Variants in SEC14L1 observed in about 807,000 individuals in gnomAD.
SEC14L1 encodes the protein SEC14-like protein 1.
Under a neutral mutation model 85.3 loss-of-function variants are expected in SEC14L1, and 48 were observed. That is an observed-to-expected ratio of 0.56 (90% CI 0.45 to 0.72). The LOEUF (loss-of-function observed/expected upper bound fraction) is 0.72. SEC14L1 is among the 30% of genes least tolerant of loss of function. The pLI, the probability that SEC14L1 is intolerant of heterozygous loss-of-function variation, is 0.00. For missense variants in SEC14L1, 682 were observed against 921.4 expected, an observed-to-expected ratio of 0.74 and a Z score of 3.36; for synonymous variants, 391 against 355.5, an observed-to-expected ratio of 1.10 and a Z score of -1.12.
chr17:77,214,882 C>T lies in SEC14L1; in HGVS notation c.*859C>T. ...GTGCCCTCTGGTGGCTCATTGTCCT[C>T]AGAGCCCAGACAGTTCCAGCCACTA... On this transcript the variant is annotated 3_prime_UTR_variant, in exon 17 of 17. Transcript: ENST00000436233. 1 of 985,450 alleles carries T rather than the reference C, an allele frequency of 1.0e-6. No homozygotes were observed. The highest frequency in any genetic ancestry group is 1.2e-6 in the Non-Finnish European group (1 of 829,978). The allele number at this position is 985,450 out of a possible 1,614,324, so 61.0% of individuals were successfully genotyped here.
In SEC14L1 at chr17:77,213,484, G is replaced by A. The variant is rs1976875465; in HGVS notation, c.2034G>A (p.Glu678=). Residue 678 remains glutamate, a synonymous_variant, in exon 16 of 17, where the codon GAG becomes GAA. Transcript: ENST00000436233. This position sits in a 1 kb window ranked among gnomAD's most constrained non-coding sequence, Gnocchi z 7.1. The part of the protein sequence containing the change: ...VMYYTEVIGS[E]DFRGSMTSLE... ...ACTACACCGAGGTGATCGGCTCGGA[G>A]GATTTCAGGTGCGGCCACCCTCGCC... The A allele has an allele frequency of 6.2e-7, 1 of 1,607,980 alleles. No homozygotes were observed. Among genetic ancestry groups the A allele is most frequent in the Admixed American group, 1.7e-5 (1 of 60,002 alleles).
rs529277235 is a variant in SEC14L1, at chr17:77,096,086, G to A, written c.-136+2739G>A. On this transcript the variant is annotated intron_variant, in intron 3 of 19. Transcript: ENST00000392476. Reference sequence around the variant, plus strand: ...TTTTTTTTTTTTTTTAAATAGAGATGAGGTCTCACTGTCTTGCCCAGACTG... The same window carrying A: ...TTTTTTTTTTTTTTTAAATAGAGATAAGGTCTCACTGTCTTGCCCAGACTG... Among the ~76,000 whole-genome samples the A allele has an allele frequency of 7.0e-5, 10 of 142,570 alleles. No individual in the cohort carries two copies. The South Asian group carries it at 2.2e-3, about 32-fold the overall frequency. The allele number at this position is 142,570 out of a possible 152,430, so 93.5% of individuals were successfully genotyped here.
chr17:77,089,210 A>G lies in SEC14L1; in HGVS notation c.-301A>G, dbSNP rs57684792. 2,141 of 344,482 alleles carry G rather than the reference A, an allele frequency of 6.2e-3. 52 individuals carry two copies. Among genetic ancestry groups the G allele is most frequent in the African/African-American group, 0.044 (1,992 of 45,422 alleles). 21.3% of individuals were successfully genotyped at this position (344,482 alleles called of 1,614,324 possible). On this transcript the variant is annotated 5_prime_UTR_variant, in exon 2 of 20. Transcript: ENST00000392476. ...GATTGGCTGAAAACATGCAGCAACC[A>G]CTATTTTCTTCCTGCCCCTCGTTGA...
intron 3 of SEC14L1, among the ~76,000 whole-genome samples, chr17:77,108,974 C>A (rs1057269425): frequency 6.6e-6 from 1 of 152,002 alleles, no homozygotes; most frequent in Non-Finnish European, 1.5e-5. Flanking sequence ...AGGTGCCAGC[C>A]ACCACACCAG....
At chr17:77,135,306 A>G (rs527625913) in intron 3 of SEC14L1, among the ~76,000 whole-genome samples, 1 of 151,924 alleles carries the variant, frequency 6.6e-6, no homozygotes, top group South Asian at 2.1e-4. Flanking sequence ...GAGTGATACC[A>G]TACTCCCACC....
chr17:77,179,710 T>C (rs1207355262), intron 3 of SEC14L1, among the ~76,000 whole-genome samples: 1 of 152,158 alleles, frequency 6.6e-6, no homozygotes, highest in Non-Finnish European at 1.5e-5. Context: ...AGTCTCACTC[T>C]GTCGCCCAGG....
intron 3 of SEC14L1, among the ~76,000 whole-genome samples, chr17:77,172,548 G>T (rs114551511): frequency 6.6e-6 from 1 of 151,932 alleles, no homozygotes; most frequent in African/African-American, 2.4e-5. Flanking sequence ...TCTTTTCCTC[G>T]TCTTTTCGTA....
At chr17:77,176,775 C>T (rs781290651) in intron 3 of SEC14L1, among the ~76,000 whole-genome samples, 5 of 152,044 alleles carry the variant, frequency 3.3e-5, no homozygotes, top group African/African-American at 4.8e-5. Context: ...TTAGTAGAGA[C>T]GGGGTGTCTC....
At chr17:77,101,828 G>A (rs671082) in intron 3 of SEC14L1, among the ~76,000 whole-genome samples, 33,081 of 152,130 alleles carry the variant, frequency 0.22, 3,729 homozygotes, top group South Asian at 0.41. Flanking sequence ...TCATTTACAC[G>A]TTGATGTAAT....
intron 3 of SEC14L1, among the ~76,000 whole-genome samples, chr17:77,114,472 C>T (rs936324066): frequency 6.6e-6 from 1 of 150,848 alleles, no homozygotes; most frequent in African/African-American, 2.4e-5. Context: ...TGCAGTGAGC[C>T]GAGATCGCGC....
rs1265134386 is a variant in SEC14L1, at chr17:77,191,119, T to C, written c.214-62T>C. The C allele has an allele frequency of 3.8e-6, 6 of 1,564,150 alleles. No homozygotes were observed. In the African/African-American group the frequency reaches 8.2e-5, roughly 21 times the overall value. ...CCCCAGAGACAACATGAACTTATAC[T>C]ATAGCTTCTGTGCTATTGGTTGTTA... On this transcript the variant is annotated intron_variant, in intron 4 of 16. Coordinates refer to ENST00000436233, the MANE Select transcript of SEC14L1 (RefSeq NM_001143998.2).
chr17:77,114,962 A>G (rs1972138890), intron 3 of SEC14L1, among the ~76,000 whole-genome samples: 1 of 152,040 alleles, frequency 6.6e-6, no homozygotes, highest in Non-Finnish European at 1.5e-5. Flanking sequence ...TCCTGAGAAG[A>G]GAACTGTTTT....
In SEC14L1 at chr17:77,215,546, G is replaced by A. The variant is rs1976994887; in HGVS notation, c.*1523G>A. On this transcript the variant is annotated 3_prime_UTR_variant, in exon 17 of 17. Coordinates refer to ENST00000436233, the MANE Select transcript of SEC14L1 (RefSeq NM_001143998.2). ...GTGCAGGGATCAGGAGGGCGGGGGA[G>A]GGACCGAGCAGCCCTCTTGCCCGGT... The A allele has an allele frequency of 1.0e-6, 1 of 986,702 alleles. No homozygotes were observed. Among genetic ancestry groups the A allele is most frequent in the Non-Finnish European group, 1.2e-6 (1 of 830,530 alleles). 61.1% of individuals were successfully genotyped at this position (986,702 alleles called of 1,614,324 possible).
chr17:77,202,177 C>T (rs912529702), intron 9 of SEC14L1, among the ~76,000 whole-genome samples: 2 of 152,148 alleles, frequency 1.3e-5, no homozygotes, highest in Non-Finnish European at 1.5e-5. Flanking sequence ...ACCCATTAGA[C>T]CTCCAGGCTA....
chr17:77,202,936 T>TAAAAAAAAAAAAAAAAA (rs11349959), intron 9 of SEC14L1, among the ~76,000 whole-genome samples: 3 of 133,966 alleles, frequency 2.2e-5, no homozygotes, highest in Admixed American at 7.5e-5. Flanking sequence ...AATAAAAAAA[T>TAAAAAAAAAAAAAAAAA]AAAAAAAAAA....
chr17:77,203,160 A>G (rs1383963426), intron 9 of SEC14L1, among the ~76,000 whole-genome samples: 1 of 152,158 alleles, frequency 6.6e-6, no homozygotes, highest in Non-Finnish European at 1.5e-5. Flanking sequence ...AAGTGTCTGG[A>G]TAGTTTGATG....
intron 3 of SEC14L1, among the ~76,000 whole-genome samples, chr17:77,172,885 G>T (rs1306583579): frequency 6.6e-6 from 1 of 152,138 alleles, no homozygotes; most frequent in Non-Finnish European, 1.5e-5. Context: ...AGTAGGCTGC[G>T]TTGTTACTAT....
intron 3 of SEC14L1, among the ~76,000 whole-genome samples, chr17:77,178,973 G>A (rs1184352338): frequency 1.3e-5 from 2 of 152,208 alleles, no homozygotes; most frequent in Non-Finnish European, 2.9e-5. Context: ...CAGGTGGCAC[G>A]GATACCTTGA....
chr17:77,202,006 G>A (rs1278522414), intron 9 of SEC14L1, among the ~76,000 whole-genome samples: 3 of 152,010 alleles, frequency 2.0e-5, no homozygotes, highest in Non-Finnish European at 2.9e-5. Flanking sequence ...GAGCACAATC[G>A]TCTGTATTCC....
Sources: allele counts gnomAD v4.1 joint callset (sites outside exome capture counted in the v4.1 genomes callset), GRCh38; gene constraint gnomAD v4.1.1; non-coding constraint Gnocchi (gnomAD v3.1); transcripts MANE v1.5; gene names NCBI Gene and HGNC (gene_info 2026-07-23, HGNC 2026-07-21).